The following SEPTIN1 variants were observed in gnomAD, a reference collection of about 807,000 sequenced individuals.
The protein encoded by SEPTIN1 is septin 1.
SEPTIN1 carries 52 observed loss-of-function variants against 50.7 expected under a neutral mutation model. The ratio of observed to expected loss-of-function variants is 1.03; its 90% confidence interval spans 0.82 to 1.29. The LOEUF (loss-of-function observed/expected upper bound fraction) is 1.29, where lower values mean the gene tolerates loss of function less well. Ranked by LOEUF, SEPTIN1 falls within the 50% of genes most tolerant of loss-of-function variation. The pLI is 0.00. For missense variants in SEPTIN1, 455 were observed against 490.7 expected (o/e 0.93, Z 0.69); for synonymous variants, 204 against 189.1 (o/e 1.08, Z -0.65).
rs904158471 is a variant in SEPTIN1, at chr16:30,381,572, T to A, written c.321-99A>T. ...GGGAGTAGAATGTCATTTCTTTGGC[T>A]CCCTCCAAAGACATTAAGGGGAACT... is the stretch of plus-strand genomic sequence containing the variant. On this transcript the variant is annotated intron_variant, in intron 4 of 10. Coordinates refer to ENST00000321367, the MANE Select transcript of SEPTIN1 (RefSeq NM_001365977.2). The surrounding 1 kb of genome is among the most constrained non-coding windows in gnomAD (Gnocchi z 4.3). The A allele has an allele frequency of 2.0e-5, 31 of 1,517,976 alleles. No individual in the cohort carries two copies. The South Asian group carries it at 3.0e-4, about 15-fold the overall frequency. 94.0% of individuals were successfully genotyped at this position (1,517,976 alleles called of 1,614,324 possible).
chr16:30,379,573 C>G, intron 7 of SEPTIN1, 39 bp from the exon 8 acceptor site: 1 of 1,483,512 alleles, frequency 6.7e-7, no homozygotes, highest in Non-Finnish European at 9.4e-7. Context: ...TTGGCTCACA[C>G]GGCAGAAACT....
Position 30,382,475 on chromosome 16 carries a change from C to A in SEPTIN1, c.18+50G>T. 1 of 1,586,272 alleles carries A rather than the reference C, an allele frequency of 6.3e-7. No individual in the cohort carries two copies. Among genetic ancestry groups the A allele is most frequent in the South Asian group, 1.1e-5 (1 of 89,128 alleles). On this transcript the variant is annotated intron_variant, in intron 1 of 10. Coordinates refer to ENST00000321367, the MANE Select transcript of SEPTIN1 (RefSeq NM_001365977.2). This position sits in a 1 kb window ranked among gnomAD's most constrained non-coding sequence, Gnocchi z 4.8. ...GTCAGTGGGGTCTGGGGACCCCAGG[C>A]ATGGGGGCTGGGGGCCGAGATGCCC...
At chr16:30,379,638 C>CCCT in intron 7 of SEPTIN1, 104 bp from the exon 8 acceptor site, 3 of 295,684 alleles carry the variant, frequency 1.0e-5, no homozygotes, top group Admixed American at 8.2e-5. Context: ...CTGCCCCTTC[C>CCCT]TCTTTTTTTT....
chr16:30,379,701 T>A (rs2049815914), intron 7 of SEPTIN1, 167 bp from the exon 8 acceptor site: 1 of 536,490 alleles, frequency 1.9e-6, no homozygotes, highest in East Asian at 3.3e-5. Context: ...CAGGCTGGAG[T>A]GTTCAAGTGA....
At chr16:30,378,584 C>CG in intron 10 of SEPTIN1, 26 bp downstream of exon 10, 2 of 1,609,336 alleles carry the variant, frequency 1.2e-6, no homozygotes, top group Non-Finnish European at 8.5e-7. Flanking sequence ...GGGCATCGGT[C>CG]GGGGGGAAGC....
intron 7 of SEPTIN1, 41 bp from the exon 8 acceptor site, chr16:30,379,575 G>C: frequency 1.4e-6 from 2 of 1,466,442 alleles, no homozygotes; most frequent in Non-Finnish European, 1.9e-6. Context: ...GGCTCACACG[G>C]CAGAAACTTT....
In SEPTIN1 at chr16:30,378,238, G is replaced by A. The variant is rs2049776699; in HGVS notation, c.*196C>T. 1 of 674,244 alleles carries A rather than the reference G, an allele frequency of 1.5e-6. No homozygotes were observed. Among genetic ancestry groups the A allele is most frequent in the Non-Finnish European group, 2.6e-6 (1 of 383,914 alleles). 41.8% of individuals were successfully genotyped at this position (674,244 alleles called of 1,614,324 possible). A position where few individuals can be genotyped will look rare whatever the true frequency, so the allele number is the denominator to read the frequency against. On this transcript the variant is annotated 3_prime_UTR_variant, in exon 11 of 11. Transcript: ENST00000321367. ...GGAGATTGTGCAGGCCCCGGGCCGG[G>A]AAGTGGGCGGTGTCTGGGTGGGCGG... is the stretch of plus-strand genomic sequence containing the variant.
intron 7 of SEPTIN1, 62 bp from the exon 8 acceptor site, chr16:30,379,596 G>C: frequency 9.6e-7 from 1 of 1,039,358 alleles, no homozygotes; most frequent in Non-Finnish European, 1.4e-6. Context: ...CTCTTTCCCA[G>C]CTTCAATCTC....
Position 30,379,048 on chromosome 16 carries a change from C to A in SEPTIN1, c.911G>T (p.Arg304Leu), listed in dbSNP as rs199791904. 8.7e-6 allele frequency: 14 copies of A among 1,613,606 alleles called. No individual in the cohort carries two copies. The highest frequency in any genetic ancestry group is 1.2e-5 in the Non-Finnish European group (14 of 1,179,924). Residue 304 changes from arginine (R) to leucine (L), a missense_variant, in exon 9 of 11, where the codon CGG becomes CTG. Transcript: ENST00000321367. ...GCTGGCTCGATCGCGAGCCCCAGGCCGGGCCAGGCTCTGTAGGCAGCGGGC... is the reference window on the plus strand; with the variant it reads ...GCTGGCTCGATCGCGAGCCCCAGGCAGGGCCAGGCTCTGTAGGCAGCGGGC... Reference protein sequence around the residue: ...YRARCLQSLARPGARDRASRS... With the variant: ...YRARCLQSLALPGARDRASRS...
chr16:30,382,248 G>C lies in SEPTIN1; in HGVS notation c.109+27C>G. The C allele has an allele frequency of 6.2e-7, 1 of 1,612,442 alleles. No homozygotes were observed. The highest frequency in any genetic ancestry group is 8.5e-7 in the Non-Finnish European group (1 of 1,178,640). ...AGGGCCTCCTAAGGACATCCCCTCC[G>C]CAGTTCCCTCTCCAAAACCCCCAGA... On this transcript the variant is annotated intron_variant, in intron 2 of 10. Coordinates refer to ENST00000321367, the MANE Select transcript of SEPTIN1 (RefSeq NM_001365977.2). This position sits in a 1 kb window ranked among gnomAD's most constrained non-coding sequence, Gnocchi z 4.8.
chr16:30,378,737 G>C (rs770906252), intron 9 of SEPTIN1, 37 bp from the exon 10 acceptor site: 22 of 1,585,536 alleles, frequency 1.4e-5, no homozygotes, highest in Middle Eastern at 3.3e-4. Flanking sequence ...AATCAGGAGC[G>C]GGACCTGAGG....
rs1401197526 is a variant in SEPTIN1, at chr16:30,378,408, G to T, written c.*26C>A. On this transcript the variant is annotated 3_prime_UTR_variant, in exon 11 of 11. Coordinates refer to ENST00000321367, the MANE Select transcript of SEPTIN1 (RefSeq NM_001365977.2). ...CAAGAGGCCGACTGAAGGCGGAGCC[G>T]AGGTAAGGCCGGGCGGGGCGTGGCC... is the stretch of plus-strand genomic sequence containing the variant. 6.5e-7 allele frequency: 1 copy of T among 1,542,886 alleles called. No individual in the cohort carries two copies. The highest frequency in any genetic ancestry group is 2.3e-5 in the East Asian group (1 of 43,268).
chr16:30,381,292 C>T lies in SEPTIN1; in HGVS notation c.455+47G>A. The T allele has an allele frequency of 6.2e-7, 1 of 1,611,946 alleles. No individual in the cohort carries two copies. The highest frequency in any genetic ancestry group is 8.5e-7 in the Non-Finnish European group (1 of 1,178,234). On this transcript the variant is annotated intron_variant, in intron 5 of 10. Transcript: ENST00000321367. The surrounding 1 kb of genome is among the most constrained non-coding windows in gnomAD (Gnocchi z 4.3). ...GCCCAGCCTCAGGGGGCAGAGACCC[C>T]CCAGCCCTCCCTAAATGCGCCAGCC... is the stretch of plus-strand genomic sequence containing the variant.
upstream of SEPTIN1, chr16:30,382,666 A>G: frequency 6.5e-7 from 1 of 1,533,204 alleles, no homozygotes; most frequent in South Asian, 1.2e-5. This position sits in a 1 kb window ranked among gnomAD's most constrained non-coding sequence, Gnocchi z 4.8. Context: ...AGAGGTGGGG[A>G]AGGCCAAGGC....
intron 9 of SEPTIN1, 98 bp downstream of exon 9, chr16:30,378,920 G>A (rs1010123741): frequency 1.6e-6 from 2 of 1,251,958 alleles, no homozygotes; most frequent in Non-Finnish European, 1.1e-6. Context: ...TCTGAGTGGT[G>A]AAGGCGGAGT....
intron 8 of SEPTIN1, 99 bp downstream of exon 8, chr16:30,379,336 T>A: frequency 6.3e-6 from 9 of 1,436,846 alleles, no homozygotes; most frequent in Non-Finnish European, 8.7e-6. Context: ...TAGGATCCCC[T>A]GGGACCAAAG....
rs1370510213 is a variant in SEPTIN1 at position 30,382,239 on chromosome 16, A to T, written c.109+36T>A. On this transcript the variant is annotated intron_variant, in intron 2 of 10. Transcript: ENST00000321367. The surrounding 1 kb of genome is among the most constrained non-coding windows in gnomAD (Gnocchi z 4.8). ...GGGACAGCCAGGGCCTCCTAAGGAC[A>T]TCCCCTCCGCAGTTCCCTCTCCAAA... 6.2e-7 allele frequency: 1 copy of T among 1,612,632 alleles called. No homozygotes were observed. Among genetic ancestry groups the T allele is most frequent in the South Asian group, 1.1e-5 (1 of 91,038 alleles).
Position 30,381,713 on chromosome 16 carries a change from T to A in SEPTIN1, c.320+47A>T. 6.2e-7 allele frequency: 1 copy of A among 1,605,798 alleles called. No homozygotes were observed. The highest frequency in any genetic ancestry group is 8.5e-7 in the Non-Finnish European group (1 of 1,176,048). On this transcript the variant is annotated intron_variant, in intron 4 of 10. Transcript: ENST00000321367. The surrounding 1 kb of genome is among the most constrained non-coding windows in gnomAD (Gnocchi z 4.3). ...ACCAGTCCTGTAACTCTCCAGGGAG[T>A]CGCCACTGTGAAAGGCTGAGCCTCT...
chr16:30,378,655 C>T lies in SEPTIN1; in HGVS notation c.987G>A (p.Leu329=). 1.2e-6 allele frequency: 2 copies of T among 1,609,598 alleles called. No individual in the cohort carries two copies. Among genetic ancestry groups the T allele is most frequent in the Non-Finnish European group, 1.7e-6 (2 of 1,179,748 alleles). ...QSATEIPLPM[L]PLADTEKLIR... ...TCAGCTTCTCGGTGTCCGCCAGAGG[C>T]AGCATGGGCAGCGGGATCTCTGTGG... Residue 329 remains leucine, a synonymous_variant, in exon 10 of 11, where the codon CTG becomes CTA. Coordinates refer to ENST00000321367, the MANE Select transcript of SEPTIN1 (RefSeq NM_001365977.2).
Sources: gnomAD v4.1 joint callset for allele counts on GRCh38, gnomAD v4.1.1 for gene constraint, Gnocchi (gnomAD v3.1) non-coding constraint, MANE v1.5 for transcripts, NCBI Gene and HGNC (gene_info 2026-07-23, HGNC 2026-07-21) for gene names.